CACNA2D3: variants seen among roughly 807,000 people sequenced by gnomAD.
The protein encoded by CACNA2D3 is calcium voltage-gated channel auxiliary subunit alpha2delta 3.
CACNA2D3 carries 60 observed loss-of-function variants against 160.6 expected under a neutral mutation model. That is an observed-to-expected ratio of 0.37 (90% confidence interval 0.30 to 0.46). CACNA2D3 has a LOEUF of 0.46. CACNA2D3 is among the 20% of genes least tolerant of loss of function. The probability of loss-of-function intolerance (pLI) is 1.00; values close to 1 mark genes in which losing one functional copy is unlikely to be tolerated. For missense variants in CACNA2D3, 1,205 were observed against 1,365.0 expected (o/e 0.88, Z 1.85); for synonymous variants, 558 against 492.9 (o/e 1.13, Z -1.75).
At chr3:54,465,423 G>A (rs559544086) in intron 4 of CACNA2D3, among the ~76,000 whole-genome samples, 289 of 152,132 alleles carry the variant, frequency 1.9e-3, no homozygotes, top group African/African-American at 6.8e-3. Flanking sequence ...CTCTTACTGT[G>A]CCTAATTTAT....
intron 14 of CACNA2D3, among the ~76,000 whole-genome samples, chr3:54,831,698 C>T (rs971960390): frequency 6.3e-4 from 96 of 152,226 alleles, no homozygotes; most frequent in Middle Eastern, 3.4e-3. Flanking sequence ...AATGTTGGTA[C>T]CCTTTTGCCT....
intron 4 of CACNA2D3, among the ~76,000 whole-genome samples, chr3:54,422,824 A>G (rs1043316536): frequency 3.3e-5 from 5 of 152,058 alleles, no homozygotes; most frequent in African/African-American, 7.2e-5. Context: ...CAATCTGCCT[A>G]CAGAAACACT....
At chr3:55,024,736 A>C (rs1005616288) in intron 35 of CACNA2D3, among the ~76,000 whole-genome samples, 1 of 152,254 alleles carries the variant, frequency 6.6e-6, no homozygotes, top group African/African-American at 2.4e-5. Flanking sequence ...ATGGAAACAC[A>C]TAACACCAAA....
intron 5 of CACNA2D3, among the ~76,000 whole-genome samples, chr3:54,541,297 AAAAAGAAAAG>A (rs1288273611): frequency 2.4e-5 from 3 of 127,200 alleles, no homozygotes; most frequent in African/African-American, 5.1e-5. Context: ...AAAAAAAAAA[AAAAAGAAAAG>A]AAAAGAAAAG....
At chr3:54,243,953 C>T (rs1702020691) in intron 2 of CACNA2D3, among the ~76,000 whole-genome samples, 1 of 152,178 alleles carries the variant, frequency 6.6e-6, no homozygotes, top group African/African-American at 2.4e-5. Flanking sequence ...GTAGGGGATA[C>T]AGATATAGGG....
At chr3:54,418,847 CGTT>C (rs2106745467) in intron 4 of CACNA2D3, among the ~76,000 whole-genome samples, 1 of 152,122 alleles carries the variant, frequency 6.6e-6, no homozygotes, top group Admixed American at 6.5e-5. Context: ...TTATTATTGT[CGTT>C]ATTATTTTGC....
At chr3:54,400,624 T>C (rs1371874624) in intron 4 of CACNA2D3, among the ~76,000 whole-genome samples, 1 of 152,128 alleles carries the variant, frequency 6.6e-6, no homozygotes, top group Non-Finnish European at 1.5e-5. Flanking sequence ...ACACCCACAG[T>C]CATTTCTGAC....
At chr3:54,919,999 T>C (rs2360662) in intron 27 of CACNA2D3, among the ~76,000 whole-genome samples, 111,775 of 152,118 alleles carry the variant, frequency 0.73, 41,363 homozygotes, top group East Asian at 0.86. Flanking sequence ...AGCCTTTTGA[T>C]TGGACAGAAC....
intron 31 of CACNA2D3, among the ~76,000 whole-genome samples, chr3:55,004,310 TC>T (rs1703041745): frequency 6.6e-6 from 1 of 152,200 alleles, no homozygotes; most frequent in Non-Finnish European, 1.5e-5. Context: ...CAAACCTGTT[TC>T]CTGGTGCTTA....
At chr3:54,288,434 C>T (rs1020173990) in intron 2 of CACNA2D3, among the ~76,000 whole-genome samples, 29 of 152,138 alleles carry the variant, frequency 1.9e-4, no homozygotes, top group Admixed American at 3.3e-4. Context: ...AAATCAATAG[C>T]TTACCCACCA....
At chr3:54,898,945 A>G (rs1432746369) in intron 26 of CACNA2D3, among the ~76,000 whole-genome samples, 2 of 152,216 alleles carry the variant, frequency 1.3e-5, no homozygotes, top group Non-Finnish European at 2.9e-5. Flanking sequence ...ATACCTGTAC[A>G]AACTAGAAAA....
chr3:54,878,742 G>T, intron 18 of CACNA2D3: 2 of 283,618 alleles, frequency 7.1e-6, no homozygotes, highest in Non-Finnish European at 1.3e-5. Flanking sequence ...AGGAGTTCAC[G>T]CTCTGACCCC....
intron 31 of CACNA2D3, among the ~76,000 whole-genome samples, chr3:55,000,552 T>C (rs1237163193): frequency 6.6e-6 from 1 of 152,236 alleles, no homozygotes; most frequent in African/African-American, 2.4e-5. Flanking sequence ...GCATGTATAC[T>C]ATAACTTAAA....
intron 4 of CACNA2D3, among the ~76,000 whole-genome samples, chr3:54,405,933 C>T (rs1474523847): frequency 4.0e-5 from 6 of 151,762 alleles, no homozygotes; most frequent in Non-Finnish European, 5.9e-5. Context: ...AAATGGCCCA[C>T]GGATACACAG....
chr3:55,009,899 A>G (rs1177994560), intron 34 of CACNA2D3, among the ~76,000 whole-genome samples: 2 of 152,166 alleles, frequency 1.3e-5, no homozygotes, highest in East Asian at 3.9e-4. Context: ...GGGTGTAATT[A>G]GTAGAGACTC....
At chr3:54,978,644 C>T (rs1031032588) in intron 29 of CACNA2D3, among the ~76,000 whole-genome samples, 1 of 152,148 alleles carries the variant, frequency 6.6e-6, no homozygotes, top group Admixed American at 6.5e-5. Flanking sequence ...CTAAATAAGG[C>T]GTTCCATGAA....
At chr3:54,178,536 G>A (rs922521307) in intron 2 of CACNA2D3, among the ~76,000 whole-genome samples, 1 of 152,064 alleles carries the variant, frequency 6.6e-6, no homozygotes, top group Non-Finnish European at 1.5e-5. Context: ...AGAAAAAGGC[G>A]AAGTTGAGTG....
At chr3:54,456,406 T>C (rs1329918258) in intron 4 of CACNA2D3, among the ~76,000 whole-genome samples, 3 of 152,084 alleles carry the variant, frequency 2.0e-5, no homozygotes, top group African/African-American at 4.8e-5. Context: ...TATTAATATA[T>C]TGATTTTGTA....
intron 11 of CACNA2D3, among the ~76,000 whole-genome samples, chr3:54,743,667 T>C (rs1359708271): frequency 6.6e-6 from 1 of 152,212 alleles, no homozygotes; most frequent in South Asian, 2.1e-4. Flanking sequence ...GCCTTACACA[T>C]GTTAGTTTGA....
Sources: allele counts gnomAD v4.1 joint callset (sites outside exome capture counted in the v4.1 genomes callset), GRCh38; gene constraint gnomAD v4.1.1; transcripts MANE v1.5; gene names NCBI Gene and HGNC (gene_info 2026-07-23, HGNC 2026-07-21).